MLXIPL: variants seen among roughly 807,000 people sequenced by gnomAD.
The protein encoded by MLXIPL is carbohydrate-responsive element-binding protein.
A neutral mutation model predicts 81.5 loss-of-function variants in MLXIPL; 49 were observed. The observed-to-expected ratio is 0.60, with a 90% CI of 0.48 to 0.76. MLXIPL has a LOEUF of 0.76. Ranked by LOEUF, MLXIPL falls within the 30% of genes least tolerant of loss-of-function variation. The pLI, the probability that MLXIPL is intolerant of heterozygous loss-of-function variation, is 0.00. For missense variants in MLXIPL, 1,053 were observed against 1,167.0 expected, an observed-to-expected ratio of 0.90 and a Z score of 1.42; for synonymous variants, 466 against 485.5, an observed-to-expected ratio of 0.96 and a Z score of 0.53.
chr7:73,603,567 C>T (rs1795057099), intron 7 of MLXIPL, among the ~76,000 whole-genome samples: 1 of 152,220 alleles, frequency 6.6e-6, no homozygotes, highest in African/African-American at 2.4e-5. Context: ...AGGCCTCCAC[C>T]TCTTGATTGA....
chr7:73,647,406 C>T, the MLXIPL span, among the ~76,000 whole-genome samples: 1 of 152,180 alleles, frequency 6.6e-6, no homozygotes, highest in Admixed American at 6.5e-5. Context: ...GGCCCTCCCT[C>T]CTGACTCCCT....
chr7:73,612,855 G>T (rs1690240088), intron 2 of MLXIPL, among the ~76,000 whole-genome samples: 1 of 152,134 alleles, frequency 6.6e-6, no homozygotes, highest in East Asian at 1.9e-4. Flanking sequence ...TGCTGAGACA[G>T]ATACTGGGAC....
At chr7:73,600,774 G>A (rs1794753521) in intron 7 of MLXIPL, among the ~76,000 whole-genome samples, 1 of 151,428 alleles carries the variant, frequency 6.6e-6, no homozygotes, top group Non-Finnish European at 1.5e-5. Context: ...GGTGGGGCAA[G>A]GGGTCTGGGA....
intron 5 of MLXIPL, chr7:73,606,404 TTTG>T: frequency 2.4e-5 from 12 of 494,176 alleles, no homozygotes; most frequent in Admixed American, 3.9e-5. Flanking sequence ...GGTTTTTTTT[TTTG>T]TTTGTTTTCT....
chr7:73,643,978 C>T, the MLXIPL span, among the ~76,000 whole-genome samples: 1 of 151,928 alleles, frequency 6.6e-6, no homozygotes, highest in East Asian at 1.9e-4. Flanking sequence ...CTATGTTGCC[C>T]AGGCTGGTCT....
At chr7:73,634,981 ATT>A in the MLXIPL span, among the ~76,000 whole-genome samples, 17,548 of 131,556 alleles carry the variant, frequency 0.13, 1,154 homozygotes, top group Non-Finnish European at 0.17. Flanking sequence ...ACGCCCAGCT[ATT>A]TTTTTTTTTT....
In MLXIPL at chr7:73,613,327, G is replaced by A. The variant is rs182119156; in HGVS notation, c.400+2744C>T. On this transcript the variant is annotated intron_variant, in intron 2 of 16. Coordinates refer to ENST00000313375, the MANE Select transcript of MLXIPL (RefSeq NM_032951.3). Reference sequence around the variant, plus strand: ...GAAATAGGACCTATTGGCCGGGCGCGGTGGCTCATGCCTGTAATCCCAGCA... The same window carrying A: ...GAAATAGGACCTATTGGCCGGGCGCAGTGGCTCATGCCTGTAATCCCAGCA... Among the ~76,000 whole-genome samples the A allele has an allele frequency of 3.4e-3, 518 of 152,292 alleles. 2 individuals are homozygous for A. Among genetic ancestry groups the A allele is most frequent in the Middle Eastern group, 6.8e-3 (2 of 294 alleles).
chr7:73,602,114 G>GCCTTCCTTCCTTCCTT (rs1374241167), intron 7 of MLXIPL, among the ~76,000 whole-genome samples: 3 of 53,578 alleles, frequency 5.6e-5, no homozygotes, highest in East Asian at 9.3e-4. Context: ...CTGCCTGCCT[G>GCCTTCCTTCCTTCCTT]CCTGCCTGCC....
intron 2 of MLXIPL, chr7:73,611,387 GAAC>G (rs1554599715): frequency 6.6e-6 from 1 of 152,248 alleles, no homozygotes; most frequent in Non-Finnish European, 1.5e-5. Flanking sequence ...CTGACAAAGA[GAAC>G]AACTGCTGAC....
chr7:73,596,156 G>C lies in MLXIPL; in HGVS notation c.2055C>G (p.Leu685=). Residue 685 remains leucine (L), a synonymous_variant, in exon 13 of 17, where the codon CTC becomes CTG. Transcript: ENST00000313375. This position sits in a 1 kb window ranked among gnomAD's most constrained non-coding sequence, Gnocchi z 4.7. ...LVSTLSAQPS[L]KVSKATTLQK... ...CCAGCCTGGGCCCGGGGCTCACCTT[G>C]AGGCTGGGCTGGGCACTGAGTGTGC... 1 of 1,612,614 alleles carries C rather than the reference G, an allele frequency of 6.2e-7. No individual in the cohort carries two copies. Among genetic ancestry groups the C allele is most frequent in the Non-Finnish European group, 8.5e-7 (1 of 1,179,850 alleles).
At chr7:73,602,689 G>C (rs1456792668) in intron 7 of MLXIPL, among the ~76,000 whole-genome samples, 1 of 151,988 alleles carries the variant, frequency 6.6e-6, no homozygotes, top group Non-Finnish European at 1.5e-5. Context: ...CAAAAAAAGG[G>C]GGACCAGGTG....
At chr7:73,621,067 A>G (rs1796316414) in intron 1 of MLXIPL, among the ~76,000 whole-genome samples, 1 of 151,536 alleles carries the variant, frequency 6.6e-6, no homozygotes, top group South Asian at 2.1e-4. Flanking sequence ...AAATAAATAA[A>G]TAAATAAATA....
At chr7:73,622,936 G>A (rs1363822350) in intron 1 of MLXIPL, among the ~76,000 whole-genome samples, 2 of 152,154 alleles carry the variant, frequency 1.3e-5, no homozygotes, top group East Asian at 3.9e-4. Context: ...GAGGAGTGCC[G>A]GCATCCGGTG....
At chr7:73,616,669 T>C (rs1251178685) in intron 1 of MLXIPL, among the ~76,000 whole-genome samples, 1 of 151,972 alleles carries the variant, frequency 6.6e-6, no homozygotes, top group Non-Finnish European at 1.5e-5. Flanking sequence ...TCCAACATAC[T>C]GAAGCCCTGT....
At chr7:73,608,973 T>C (rs541018749) in intron 2 of MLXIPL, among the ~76,000 whole-genome samples, 16 of 152,230 alleles carry the variant, frequency 1.1e-4, no homozygotes, top group African/African-American at 3.9e-4. Context: ...CATGTCTGGC[T>C]AATTTTTAAA....
chr7:73,641,116 A>T, the MLXIPL span, among the ~76,000 whole-genome samples: 6 of 152,150 alleles, frequency 3.9e-5, no homozygotes, highest in Non-Finnish European at 7.4e-5. Context: ...AGCCTGGGTG[A>T]CATGGCAAAA....
At chr7:73,611,568 C>T (rs1226700375) in intron 2 of MLXIPL, 2 of 152,232 alleles carry the variant, frequency 1.3e-5, no homozygotes, top group Admixed American at 6.6e-5. Flanking sequence ...GTAATCTCAG[C>T]ACTTTGGGAG....
the MLXIPL span, among the ~76,000 whole-genome samples, chr7:73,640,172 A>G: frequency 6.6e-6 from 1 of 151,806 alleles, no homozygotes; most frequent in Non-Finnish European, 1.5e-5. Context: ...TGGGAGGTGG[A>G]GGCAGAGTGA....
At chr7:73,624,690 T>C (rs1554603327), upstream of MLXIPL, 6 of 1,117,490 alleles carry the variant, frequency 5.4e-6, no homozygotes, top group African/African-American at 3.3e-5. Context: ...CTCTGGCGGG[T>C]TGGCCCCATC....
Sources: gnomAD v4.1 joint callset for allele counts (sites outside exome capture counted in the v4.1 genomes callset) on GRCh38, gnomAD v4.1.1 for gene constraint, Gnocchi (gnomAD v3.1) non-coding constraint, MANE v1.5 for transcripts, NCBI Gene and HGNC (gene_info 2026-07-23, HGNC 2026-07-21) for gene names.